SDK1: variants seen among roughly 807,000 people sequenced by gnomAD.
SDK1 encodes sidekick cell adhesion molecule 1.
In SDK1, 157 loss-of-function variants were observed where a neutral mutation model predicts 245.5. The ratio of observed to expected loss-of-function variants is 0.64; its 90% CI spans 0.56 to 0.73. The LOEUF (loss-of-function observed/expected upper bound fraction) is 0.73. SDK1 is among the 30% of genes least tolerant of loss of function. The pLI is 0.00. For missense variants in SDK1, 3,583 were observed against 3,002.3 expected (o/e 1.19, Z -4.52); for synonymous variants, 1,647 against 1,278.5 (o/e 1.29, Z -6.15).
At chr7:3,305,368 C>T (rs1779390361) in intron 1 of SDK1, among the ~76,000 whole-genome samples, 1 of 152,114 alleles carries the variant, frequency 6.6e-6, no homozygotes, top group Admixed American at 6.6e-5. Context: ...TGGTTAATCC[C>T]ATAATGTCAC....
intron 5 of SDK1, among the ~76,000 whole-genome samples, chr7:3,884,687 G>A (rs543124589): frequency 3.3e-5 from 5 of 152,312 alleles, no homozygotes; most frequent in Admixed American, 2.0e-4. Context: ...TGTGGGGACC[G>A]GCCCCTCCAG....
At chr7:4,163,133 C>A (rs369995227) in intron 32 of SDK1, among the ~76,000 whole-genome samples, 11 of 152,288 alleles carry the variant, frequency 7.2e-5, no homozygotes, top group African/African-American at 2.6e-4. Context: ...GTTCCTGAGG[C>A]CAGAATGGGG....
intron 1 of SDK1, among the ~76,000 whole-genome samples, chr7:3,390,055 C>G (rs906262246): frequency 6.6e-6 from 1 of 152,070 alleles, no homozygotes; most frequent in South Asian, 2.1e-4. Context: ...TCTTAGAGCT[C>G]TACGGAAAGC....
intron 1 of SDK1, among the ~76,000 whole-genome samples, chr7:3,382,434 T>C (rs1781511593): frequency 6.6e-6 from 1 of 152,194 alleles, no homozygotes; most frequent in South Asian, 2.1e-4. Context: ...AAATTGACTA[T>C]TTAGCAAGAG....
intron 1 of SDK1, among the ~76,000 whole-genome samples, chr7:3,524,086 A>C (rs948779030): frequency 2.0e-5 from 3 of 152,216 alleles, no homozygotes; most frequent in African/African-American, 7.2e-5. Flanking sequence ...CCTGAGAAGA[A>C]GACATTTAAG....
chr7:3,854,190 A>G (rs181613743), intron 5 of SDK1, among the ~76,000 whole-genome samples: 31 of 152,126 alleles, frequency 2.0e-4, no homozygotes, highest in African/African-American at 7.0e-4. Flanking sequence ...AAGGTTATGT[A>G]CGGTGTGGTA....
At chr7:3,842,088 G>T (rs940508237) in intron 5 of SDK1, among the ~76,000 whole-genome samples, 4 of 152,150 alleles carry the variant, frequency 2.6e-5, no homozygotes, top group African/African-American at 9.7e-5. Flanking sequence ...ACTCACAGAT[G>T]GGTCAGAATG....
intron 4 of SDK1, chr7:3,643,077 C>G (rs563118492): frequency 4.6e-5 from 7 of 151,926 alleles, no homozygotes; most frequent in Non-Finnish European, 8.8e-5. Context: ...CTTCCCGAAG[C>G]CTTGTGATTC....
intron 5 of SDK1, among the ~76,000 whole-genome samples, chr7:3,891,800 A>T (rs1292631243): frequency 2.6e-5 from 4 of 152,368 alleles, no homozygotes; most frequent in African/African-American, 9.6e-5. Context: ...TTTCACGGCC[A>T]ACCTTAATTT....
intron 1 of SDK1, among the ~76,000 whole-genome samples, chr7:3,550,698 A>G (rs1033109080): frequency 4.6e-5 from 7 of 152,250 alleles, no homozygotes; most frequent in Non-Finnish European, 8.8e-5. Flanking sequence ...ATTAAAATAT[A>G]AAGTAAAAAT....
In SDK1 at chr7:3,644,797, A is replaced by AAAAAC. The variant is rs1554301839; in HGVS notation, c.713+2694_713+2695insAACAA. The stretch of plus-strand genomic sequence containing the variant: ...CCAAAAAAAAAAAAAAAAAAACAAA[A>AAAAAC]AACAACAACAACGGCGGGGCAGGGG... On this transcript the variant is annotated intron_variant, in intron 4 of 44. Transcript: ENST00000404826. Among the ~76,000 whole-genome samples the AAAAAC allele has an allele frequency of 2.0e-3, 263 of 131,528 alleles. 8 individuals carry two copies. Among genetic ancestry groups the AAAAAC allele is most frequent in the South Asian group, 5.2e-3 (19 of 3,636 alleles). 86.3% of individuals were successfully genotyped at this position (131,528 alleles called of 152,430 possible).
chr7:4,221,134 T>A (rs1427839145), intron 39 of SDK1, 105 bp from the exon 40 acceptor site: 4 of 1,379,768 alleles, frequency 2.9e-6, no homozygotes, highest in Admixed American at 2.0e-5. Flanking sequence ...GCCCAGACAC[T>A]CTGCAGCCTC....
At chr7:4,245,256 TC>T (rs1786774614) in intron 43 of SDK1, among the ~76,000 whole-genome samples, 1 of 152,066 alleles carries the variant, frequency 6.6e-6, no homozygotes, top group South Asian at 2.1e-4. Context: ...AGGAGACAAT[TC>T]CCACTCCTTA....
At chr7:4,166,889 A>T (rs1210531407) in intron 32 of SDK1, among the ~76,000 whole-genome samples, 1 of 152,178 alleles carries the variant, frequency 6.6e-6, no homozygotes, top group Non-Finnish European at 1.5e-5. Context: ...CACAGAGGCC[A>T]GCAACGGCAG....
intron 4 of SDK1, among the ~76,000 whole-genome samples, chr7:3,792,597 C>G (rs770495291): frequency 1.5e-5 from 2 of 133,520 alleles, no homozygotes; most frequent in Non-Finnish European, 3.1e-5. Context: ...ATATTGCCTT[C>G]TCTCCCTTTC....
intron 5 of SDK1, among the ~76,000 whole-genome samples, chr7:3,855,832 A>T (rs1780532485): frequency 6.6e-6 from 1 of 152,226 alleles, no homozygotes; most frequent in South Asian, 2.1e-4. Context: ...AAGAATGTGG[A>T]AATCTGTGCT....
chr7:3,575,893 G>GAATA (rs1259441490), intron 1 of SDK1, among the ~76,000 whole-genome samples: 2 of 151,976 alleles, frequency 1.3e-5, no homozygotes, highest in Admixed American at 1.3e-4. Flanking sequence ...TGAGGCTCAT[G>GAATA]AATAGCCCAG....
intron 1 of SDK1, among the ~76,000 whole-genome samples, chr7:3,465,960 C>G (rs1300087470): frequency 1.3e-5 from 2 of 152,062 alleles, no homozygotes; most frequent in East Asian, 3.9e-4. Flanking sequence ...TTCCATCACT[C>G]TTTTTGTTTG....
intron 1 of SDK1, among the ~76,000 whole-genome samples, chr7:3,504,163 A>G (rs1426930890): frequency 1.1e-5 from 1 of 93,634 alleles, no homozygotes. Flanking sequence ...AAAAAACCAA[A>G]AAAATTATAT....
Sources: allele counts gnomAD v4.1 joint callset (sites outside exome capture counted in the v4.1 genomes callset), GRCh38; gene constraint gnomAD v4.1.1; transcripts MANE v1.5; gene names NCBI Gene and HGNC (gene_info 2026-07-23, HGNC 2026-07-21).